Variants in SEZ6 observed in about 807,000 individuals in gnomAD.
SEZ6 encodes the protein seizure related 6 homolog, also known as seizure protein 6 homolog.
SEZ6 carries 53 observed loss-of-function variants against 101.0 expected under a neutral mutation model. That is an observed-to-expected ratio of 0.52 (90% CI 0.42 to 0.66). The LOEUF is 0.66. Ranked by LOEUF, SEZ6 falls within the 30% of genes least tolerant of loss-of-function variation. The probability of loss-of-function intolerance (pLI) is 0.00; values close to 1 mark genes in which losing one functional copy is unlikely to be tolerated. For synonymous variants in SEZ6, 488 were observed against 512.2 expected, an observed-to-expected ratio of 0.95 and a Z score of 0.64; for missense variants, 1,102 against 1,289.4, an observed-to-expected ratio of 0.85 and a Z score of 2.23.
intron 14 of SEZ6, 44 bp from the exon 15 acceptor site, chr17:28,956,511 C>T (rs1250324062): frequency 1.3e-6 from 2 of 1,529,506 alleles, no homozygotes; most frequent in African/African-American, 2.8e-5. Flanking sequence ...TCTCTGTCAC[C>T]TGGAGCCCAT....
chr17:28,959,778 G>T lies in SEZ6; in HGVS notation c.1691C>A (p.Thr564Asn). The T allele has an allele frequency of 6.2e-7, 1 of 1,613,810 alleles. No homozygotes were observed. The highest frequency in any genetic ancestry group is 8.5e-7 in the Non-Finnish European group (1 of 1,179,804). Residue 564 changes from threonine to asparagine, a missense_variant, in exon 8 of 17, where the codon ACC (threonine) becomes AAC (asparagine). Thr to Asn is a moderately conservative substitution (Grantham distance 65, BLOSUM62 0). Around this residue, in one of 3 missense-constraint regions of SEZ6, gnomAD observed 556 missense variants for 735.1 expected, o/e 0.76. Transcript: ENST00000317338. The surrounding 1 kb of genome is among the most constrained non-coding windows in gnomAD (Gnocchi z 4.4). ...GATGATGATGGAGCCCTGCTCCAGG[G>T]TGTAGCCAGGGTCGCAGCTGAACTC... ...TVEFSCDPGY[T>N]LEQGSIIIEC...
At position 28,956,279 on chromosome 17, in the gene SEZ6, C is replaced by T; in HGVS notation, c.2850-18G>A. The T allele has an allele frequency of 1.9e-6, 3 of 1,595,958 alleles. No homozygotes were observed. Among genetic ancestry groups the T allele is most frequent in the Non-Finnish European group, 2.6e-6 (3 of 1,171,340 alleles). ...CCTGGAGCCTGTGGGGCAGAGAAGC[C>T]TGCAAGTCAGGAGCACTGGGTAGGA... is the stretch of plus-strand genomic sequence containing the variant. On this transcript the variant is annotated intron_variant, in intron 15 of 16. Transcript: ENST00000317338.
chr17:28,968,677 G>T (rs904520640), intron 4 of SEZ6, among the ~76,000 whole-genome samples: 1 of 152,168 alleles, frequency 6.6e-6, no homozygotes, highest in African/African-American at 2.4e-5. Flanking sequence ...AGGGTAGGGT[G>T]AGTGCTCCTT....
At chr17:29,000,232 A>G (rs994830113) in intron 1 of SEZ6, among the ~76,000 whole-genome samples, 1 of 152,190 alleles carries the variant, frequency 6.6e-6, no homozygotes, top group South Asian at 2.1e-4. Context: ...GCTCTCCCCT[A>G]TGCCGGGAAA....
rs527809453 is a variant in SEZ6, at chr17:28,966,747, C to T, written c.1055-2600G>A. The stretch of plus-strand genomic sequence containing the variant: ...AATAGAAAAATGGGCCCTCTTTCTT[C>T]CCCCCCATTAAAAAGAAAAAGAAAA... On this transcript the variant is annotated intron_variant, in intron 4 of 16. Transcript: ENST00000317338. Among the ~76,000 whole-genome samples the T allele has an allele frequency of 4.1e-4, 62 of 149,820 alleles. 1 individual carries two copies. The highest frequency in any genetic ancestry group is 1.4e-3 in the African/African-American group (58 of 40,100).
At chr17:28,971,292 G>GT (rs1267193268) in intron 3 of SEZ6, among the ~76,000 whole-genome samples, 1 of 152,158 alleles carries the variant, frequency 6.6e-6, no homozygotes, top group Non-Finnish European at 1.5e-5. Flanking sequence ...CTGGGAACTT[G>GT]TAAGAAATGC....
chr17:28,986,889 G>C (rs370374983), intron 1 of SEZ6, among the ~76,000 whole-genome samples: 1 of 152,212 alleles, frequency 6.6e-6, no homozygotes, highest in East Asian at 1.9e-4. Context: ...GGAAGGGCAG[G>C]TGGCACTGTC....
chr17:28,976,636 G>A (rs1567992232), intron 3 of SEZ6, among the ~76,000 whole-genome samples: 2 of 152,222 alleles, frequency 1.3e-5, no homozygotes, highest in Non-Finnish European at 2.9e-5. Flanking sequence ...CCAGTGTCCA[G>A]CATGGCCTGA....
intron 1 of SEZ6, among the ~76,000 whole-genome samples, chr17:29,002,776 CA>C (rs1169599347): frequency 1.3e-5 from 2 of 152,186 alleles, no homozygotes; most frequent in African/African-American, 4.8e-5. Flanking sequence ...AAGGAGTCTG[CA>C]GGAAGCAGCA....
chr17:29,003,545 C>T (rs1456635035), intron 1 of SEZ6, among the ~76,000 whole-genome samples: 5 of 152,252 alleles, frequency 3.3e-5, no homozygotes, highest in Admixed American at 2.0e-4. Context: ...ATGCACCCCT[C>T]GGGCCGAAAA....
At chr17:28,997,705 TC>T (rs1410289918) in intron 1 of SEZ6, among the ~76,000 whole-genome samples, 3 of 151,678 alleles carry the variant, frequency 2.0e-5, no homozygotes, top group East Asian at 3.9e-4. Context: ...CCAGTCACCA[TC>T]CCCCCCACCC....
chr17:29,000,845 G>A (rs1568005525), intron 1 of SEZ6, among the ~76,000 whole-genome samples: 1 of 152,116 alleles, frequency 6.6e-6, no homozygotes, highest in Non-Finnish European at 1.5e-5. Context: ...GGGTGGTCAG[G>A]AATCCTGGGC....
chr17:28,960,150 A>G (rs1348031074), intron 7 of SEZ6: 5 of 580,858 alleles, frequency 8.6e-6, no homozygotes, highest in Non-Finnish European at 1.5e-5. Flanking sequence ...GGTACTCCAT[A>G]CATGTTTTTT....
At chr17:28,974,552 G>T (rs1463503687) in intron 3 of SEZ6, among the ~76,000 whole-genome samples, 4 of 152,160 alleles carry the variant, frequency 2.6e-5, no homozygotes, top group Admixed American at 2.6e-4. Context: ...AGGGAGGCAG[G>T]GCAGGCTGTT....
rs2040856947 is a variant in SEZ6, at chr17:28,954,927, T to C, written c.*1035A>G. 6.7e-6 allele frequency: 1 copy of C among 150,322 alleles called. No homozygotes were observed. Among genetic ancestry groups the C allele is most frequent in the African/African-American group, 2.5e-5 (1 of 40,644 alleles). The allele number at this position is 150,322 out of a possible 1,614,324, so 9.3% of individuals were successfully genotyped here. ...TGCTTTTTTTTTTTTTTTTTTTTTT[T>C]TTTCCAAAAACACCATTTTAATAAG... On this transcript the variant is annotated 3_prime_UTR_variant, in exon 17 of 17. Coordinates refer to ENST00000317338, the MANE Select transcript of SEZ6 (RefSeq NM_178860.5).
In SEZ6 at chr17:28,955,917, A is replaced by T. The variant is rs765831756; in HGVS notation, c.*45T>A. ...AGCCTTGCTGCTGGACTGTGGTGCA[A>T]GTCTGAGTTGACTTCCCTAGACTGC... is the stretch of plus-strand genomic sequence containing the variant. On this transcript the variant is annotated 3_prime_UTR_variant, in exon 17 of 17. Coordinates refer to ENST00000317338, the MANE Select transcript of SEZ6 (RefSeq NM_178860.5). 1 of 1,602,272 alleles carries T rather than the reference A, an allele frequency of 6.2e-7. No individual in the cohort carries two copies. Among genetic ancestry groups the T allele is most frequent in the East Asian group, 2.2e-5 (1 of 44,540 alleles).
At chr17:28,982,102 CT>C in intron 1 of SEZ6, 63 bp from the exon 2 acceptor site, 1 of 1,494,864 alleles carries the variant, frequency 6.7e-7, no homozygotes, top group Non-Finnish European at 8.9e-7. Context: ...TCACGCCCAA[CT>C]CGAGTAGTGG....
Position 28,956,260 on chromosome 17 carries a change from G to A in SEZ6, c.2851C>T (p.Leu951Phe). 1.3e-6 allele frequency: 2 copies of A among 1,596,694 alleles called. No homozygotes were observed. Among genetic ancestry groups the A allele is most frequent in the Middle Eastern group, 3.4e-4 (2 of 5,938 alleles). ...AGCTGCAGGGAGCTTTTTCCCTGGA[G>A]CCTGTGGGGCAGAGAAGCCTGCAAG... ...VGGVYFYFSR[L>F]QGKSSLQLPR... The change falls in exon 16 of 17, where the codon CTC (leucine) becomes TTC (phenylalanine). Residue 951 changes from leucine (L) to phenylalanine (F), a missense_variant and splice_region_variant. Coordinates refer to ENST00000317338, the MANE Select transcript of SEZ6 (RefSeq NM_178860.5).
rs376465776 is a variant in SEZ6, at chr17:28,960,854, G to A, written c.1360C>T (p.Arg454Trp). The A allele has an allele frequency of 6.3e-5, 102 of 1,613,826 alleles. No homozygotes were observed. Among genetic ancestry groups the A allele is most frequent in the African/African-American group, 1.3e-5 (1 of 74,910 alleles). The part of the protein sequence containing the change: ...HWLLEAPEGQ[R>W]LHLHFEKVSL... ...ACCTTCTCAAAGTGCAGGTGTAGCC[G>A]CTGGCCCTCAGGAGCCTCAAGCAGC... The change falls in exon 6 of 17, where the codon CGG (arginine) becomes TGG (tryptophan). Residue 454 changes from arginine to tryptophan, a missense_variant. Physicochemically the swap from Arg to Trp is moderately radical, Grantham distance 101. Around this residue, in one of 3 missense-constraint regions of SEZ6, gnomAD observed 556 missense variants for 735.1 expected, o/e 0.76. Coordinates refer to ENST00000317338, the MANE Select transcript of SEZ6 (RefSeq NM_178860.5).
Sources: allele counts gnomAD v4.1 joint callset (sites outside exome capture counted in the v4.1 genomes callset), GRCh38; gene constraint gnomAD v4.1.1; regional missense constraint gnomAD v4.1.1; non-coding constraint Gnocchi (gnomAD v3.1); transcripts MANE v1.5; gene names NCBI Gene and HGNC (gene_info 2026-07-23, HGNC 2026-07-21).